COBLL1: variants seen among roughly 807,000 people sequenced by gnomAD.
COBLL1 encodes cordon-bleu WH2 repeat protein like 1.
A neutral mutation model predicts 94.8 loss-of-function variants in COBLL1; 50 were observed. The ratio of observed to expected loss-of-function variants is 0.53; its 90% CI spans 0.42 to 0.67. COBLL1 has a LOEUF of 0.67. COBLL1 is among the 30% of genes least tolerant of loss of function. The pLI is 0.00. For synonymous variants in COBLL1, 448 were observed against 473.8 expected (o/e 0.95, Z 0.71); for missense variants, 1,362 against 1,348.7 (o/e 1.01, Z -0.15).
At position 164,743,736 on chromosome 2, in the gene COBLL1, A is replaced by G. The variant is rs1399027670; in HGVS notation, c.181T>C (p.Ser61Pro). 1.2e-6 allele frequency: 2 copies of G among 1,613,554 alleles called. No homozygotes were observed. The highest frequency in any genetic ancestry group is 1.7e-6 in the Non-Finnish European group (2 of 1,179,762). Residue 61 changes from serine (S) to proline (P), a missense_variant, in exon 3 of 14, where the codon TCA becomes CCA. Transcript: ENST00000652658. Reference protein sequence around the residue: ...ENMIDKDVELSVVLPGDIIKS... With the variant: ...ENMIDKDVELPVVLPGDIIKS... Reference sequence around the variant, plus strand: ...ATAATATCCCCAGGTAGGACCACTGAGAGTTCAACGTCTTTATCTATCATG... The same window carrying G: ...ATAATATCCCCAGGTAGGACCACTGGGAGTTCAACGTCTTTATCTATCATG...
intron 3 of COBLL1, among the ~76,000 whole-genome samples, chr2:164,734,045 A>C (rs1472814159): frequency 6.6e-6 from 1 of 152,190 alleles, no homozygotes; most frequent in Non-Finnish European, 1.5e-5. Flanking sequence ...CCCAGCCCAG[A>C]TCATTAATCA....
chr2:164,700,825 G>T, intron 9 of COBLL1, 69 bp from the exon 10 acceptor site: 1 of 943,200 alleles, frequency 1.1e-6, no homozygotes, highest in Non-Finnish European at 1.6e-6. Flanking sequence ...TTCTGGCAAG[G>T]AAGGAATTTT....
intron 13 of COBLL1, among the ~76,000 whole-genome samples, chr2:164,689,625 C>T (rs1167225245): frequency 1.3e-5 from 2 of 152,132 alleles, no homozygotes; most frequent in Non-Finnish European, 2.9e-5. Context: ...AACAAATGTG[C>T]ATACAATGCA....
intron 2 of COBLL1, among the ~76,000 whole-genome samples, chr2:164,759,822 T>C (rs890549003): frequency 1.4e-4 from 21 of 152,210 alleles, no homozygotes; most frequent in African/African-American, 5.1e-4. Context: ...CAACATTATC[T>C]ATTAGGAAAA....
At chr2:164,703,318 C>T (rs1003619065) in intron 9 of COBLL1, 2 of 744,478 alleles carry the variant, frequency 2.7e-6, no homozygotes, top group East Asian at 2.6e-5. Flanking sequence ...GATTTGTTAG[C>T]TCACAATTAT....
Position 164,841,282 on chromosome 2 carries a change from G to A in COBLL1, c.-50-36C>T, listed in dbSNP as rs1352362964. On this transcript the variant is annotated intron_variant, in intron 1 of 13. Transcript: ENST00000652658. The surrounding 1 kb of genome is among the most constrained non-coding windows in gnomAD (Gnocchi z 5.5). ...AGAGGCCGGCGGGTCAGGGCGGGAC[G>A]CGCGCCTTCCCGAGGCCGGAGCGAA... The A allele has an allele frequency of 1.6e-6, 2 of 1,219,470 alleles. No homozygotes were observed. The highest frequency in any genetic ancestry group is 3.1e-5 in the African/African-American group (2 of 63,748). 75.5% of individuals were successfully genotyped at this position (1,219,470 alleles called of 1,614,324 possible).
In COBLL1 at chr2:164,694,998, C is replaced by A; in HGVS notation, c.2394G>T (p.Pro798=). The A allele has an allele frequency of 6.2e-7, 1 of 1,613,872 alleles. No individual in the cohort carries two copies. Among genetic ancestry groups the A allele is most frequent in the South Asian group, 1.1e-5 (1 of 91,076 alleles). ...GATGCTCTGTTCTCAGGTTAGGCTTCGGTTTAAGGTTTGGCAGTGGCTCTT... is the reference window on the plus strand; with the variant it reads ...GATGCTCTGTTCTCAGGTTAGGCTTAGGTTTAAGGTTTGGCAGTGGCTCTT... ...SPEEPLPNLK[P]KPNLRTEHQV... Residue 798 remains proline, a synonymous_variant, in exon 12 of 14, where the codon CCG becomes CCT. Transcript: ENST00000652658.
Position 164,686,205 on chromosome 2 carries a change from AAG to A in COBLL1, c.3301-175_3301-174del, listed in dbSNP as rs946735414. Among the ~76,000 whole-genome samples, 8 of 152,360 alleles carry A rather than the reference AAG, an allele frequency of 5.3e-5. No homozygotes were observed. In the East Asian group the frequency reaches 1.3e-3, roughly 26 times the overall value. On this transcript the variant is annotated intron_variant, in intron 13 of 13. Coordinates refer to ENST00000652658, the MANE Select transcript of COBLL1 (RefSeq NM_001365672.2). Reference sequence around the variant, plus strand: ...TGTTCATTCTACCATAAAATTTAAAAAGAGAGAGTCGTTATTTTCACAACAAA... The same window carrying A: ...TGTTCATTCTACCATAAAATTTAAAAAGAGAGTCGTTATTTTCACAACAAA...
intron 3 of COBLL1, among the ~76,000 whole-genome samples, 162 bp from the exon 4 acceptor site, chr2:164,730,277 C>T (rs570822883): frequency 2.0e-4 from 30 of 151,976 alleles, no homozygotes; most frequent in African/African-American, 7.0e-4. Flanking sequence ...ACTGCTTGAG[C>T]CCAGGAGTTG....
chr2:164,805,329 C>CTA lies in COBLL1; in HGVS notation c.41+35826_41+35827insTA, dbSNP rs1412509415. Reference sequence around the variant, plus strand: ...TCTCTCTCTCTCTCTCTCTCTCTCTCTCTCTCTCTATATATATATATATAT... The same window carrying CTA: ...TCTCTCTCTCTCTCTCTCTCTCTCTCTATCTCTCTCTATATATATATATATAT... On this transcript the variant is annotated intron_variant, in intron 2 of 13. Transcript: ENST00000652658. Among the ~76,000 whole-genome samples the CTA allele has an allele frequency of 4.0e-3, 91 of 22,650 alleles. 1 individual carries two copies. The highest frequency in any genetic ancestry group is 0.011 in the Admixed American group (15 of 1,364). 14.9% of individuals were successfully genotyped at this position (22,650 alleles called of 152,430 possible).
chr2:164,780,224 G>T lies in COBLL1; in HGVS notation c.42-36349C>A, dbSNP rs189997956. Among the ~76,000 whole-genome samples the T allele has an allele frequency of 4.3e-4, 66 of 152,186 alleles. 1 individual carries two copies. Among genetic ancestry groups the T allele is most frequent in the African/African-American group, 1.6e-3 (66 of 41,528 alleles). On this transcript the variant is annotated intron_variant, in intron 2 of 13. Transcript: ENST00000652658. ...ATGGGGTAGTAATAACCGCCACTAA[G>T]GGGACTGTTGTAACCAAAGTTCTCA...
chr2:164,695,121 A>C lies in COBLL1; in HGVS notation c.2271T>G (p.Asp757Glu), dbSNP rs1683849360. 1 of 1,613,732 alleles carries C rather than the reference A, an allele frequency of 6.2e-7. No homozygotes were observed. Among genetic ancestry groups the C allele is most frequent in the African/African-American group, 1.3e-5 (1 of 74,866 alleles). ...DWQSETIEYK[D>E]DQDMHALGKK... Reference sequence around the variant, plus strand: ...TCCCTAAAGCATGCATGTCCTGATCATCTTTATACTCTATGGTTTCTGATT... The same window carrying C: ...TCCCTAAAGCATGCATGTCCTGATCCTCTTTATACTCTATGGTTTCTGATT... The change falls in exon 12 of 14, where the codon GAT (aspartate) becomes GAG (glutamate). Residue 757 changes from aspartate to glutamate, a missense_variant. Coordinates refer to ENST00000652658, the MANE Select transcript of COBLL1 (RefSeq NM_001365672.2).
intron 13 of COBLL1, among the ~76,000 whole-genome samples, chr2:164,691,544 T>C (rs1683592337): frequency 6.6e-6 from 1 of 152,098 alleles, no homozygotes; most frequent in Non-Finnish European, 1.5e-5. Flanking sequence ...TGCTGATGCC[T>C]TGTTCAAAGC....
chr2:164,786,171 G>A (rs1688946565), intron 2 of COBLL1, among the ~76,000 whole-genome samples: 1 of 152,132 alleles, frequency 6.6e-6, no homozygotes, highest in Non-Finnish European at 1.5e-5. Context: ...CACAAACCCA[G>A]AGGGCTTTTC....
At chr2:164,790,107 C>G (rs1408522820) in intron 2 of COBLL1, among the ~76,000 whole-genome samples, 1 of 152,200 alleles carries the variant, frequency 6.6e-6, no homozygotes, top group African/African-American at 2.4e-5. Flanking sequence ...TCAATTCACA[C>G]TGGGTGGGGC....
intron 2 of COBLL1, among the ~76,000 whole-genome samples, chr2:164,777,010 A>G (rs1688497298): frequency 6.6e-6 from 1 of 152,116 alleles, no homozygotes; most frequent in Non-Finnish European, 1.5e-5. Context: ...TAATGTTAAC[A>G]TCTTATATAA....
intron 2 of COBLL1, among the ~76,000 whole-genome samples, chr2:164,753,638 A>G (rs529141057): frequency 6.6e-6 from 1 of 152,242 alleles, no homozygotes; most frequent in Admixed American, 6.5e-5. Context: ...CTGAGGGACT[A>G]CAGTTTTAGT....
chr2:164,821,765 T>A (rs1383791333), intron 2 of COBLL1, among the ~76,000 whole-genome samples: 1 of 152,226 alleles, frequency 6.6e-6, no homozygotes, highest in Non-Finnish European at 1.5e-5. Flanking sequence ...CCTTTTCTAA[T>A]GATTAAGGGC....
At position 164,694,528 on chromosome 2, in the gene COBLL1, G is replaced by A. The variant is rs1317277129; in HGVS notation, c.2864C>T (p.Pro955Leu). ...EASPPPIAPK[P>L]VTIPASQVST... ...TACCTGACTAGCAGGAATTGTCACA[G>A]GTTTTGGAGCTATGGGAGGAGGGGA... Residue 955 changes from proline to leucine, a missense_variant, in exon 12 of 14, where the codon CCT becomes CTT. Pro to Leu is a moderately conservative substitution (Grantham distance 98). Coordinates refer to ENST00000652658, the MANE Select transcript of COBLL1 (RefSeq NM_001365672.2). The A allele has an allele frequency of 6.2e-7, 1 of 1,614,020 alleles. No homozygotes were observed. Among genetic ancestry groups the A allele is most frequent in the South Asian group, 1.1e-5 (1 of 91,076 alleles).
Sources: allele counts gnomAD v4.1 joint callset (sites outside exome capture counted in the v4.1 genomes callset), GRCh38; gene constraint gnomAD v4.1.1; non-coding constraint Gnocchi (gnomAD v3.1); transcripts MANE v1.5; gene names NCBI Gene and HGNC (gene_info 2026-07-23, HGNC 2026-07-21).